CMIP: variants seen among roughly 807,000 people sequenced by gnomAD.
CMIP encodes the protein c-Maf inducing protein.
Under a neutral mutation model 97.3 loss-of-function variants are expected in CMIP, and 13 were observed. That is an observed-to-expected ratio of 0.13 (90% CI 0.09 to 0.21). The LOEUF (loss-of-function observed/expected upper bound fraction) is 0.21. CMIP is among the 10% of genes least tolerant of loss of function. The pLI is 1.00. For synonymous variants in CMIP, 538 were observed against 436.3 expected (o/e 1.23, Z -2.91); for missense variants, 847 against 1,024.9 (o/e 0.83, Z 2.37).
At chr16:81,495,206 T>C in intron 1 of CMIP, 1 of 858,888 alleles carries the variant, frequency 1.2e-6, no homozygotes, top group Non-Finnish European at 1.6e-6. Context: ...TCATCATCAT[T>C]ACTGTAGCAT....
chr16:81,484,416 C>G (rs933627970), intron 1 of CMIP, among the ~76,000 whole-genome samples: 2 of 152,166 alleles, frequency 1.3e-5, no homozygotes, highest in African/African-American at 2.4e-5. Flanking sequence ...GTCTCCCCGA[C>G]GAAGGGTAGA....
intron 1 of CMIP, among the ~76,000 whole-genome samples, chr16:81,451,117 G>C (rs1906182302): frequency 6.6e-6 from 1 of 152,174 alleles, no homozygotes; most frequent in Non-Finnish European, 1.5e-5. Flanking sequence ...GATATGGTTT[G>C]GATGTGTTCC....
At chr16:81,549,303 C>T (rs1000619373) in intron 1 of CMIP, among the ~76,000 whole-genome samples, 3 of 152,282 alleles carry the variant, frequency 2.0e-5, no homozygotes, top group East Asian at 1.9e-4. Flanking sequence ...GTAAATCATT[C>T]GATAGAACCT....
chr16:81,673,421 C>T (rs1009572863), intron 9 of CMIP, among the ~76,000 whole-genome samples: 6 of 152,088 alleles, frequency 3.9e-5, no homozygotes, highest in Admixed American at 6.6e-5. Flanking sequence ...GAGGCTGAGG[C>T]GGGAGAATAG....
At chr16:81,702,774 G>A in intron 17 of CMIP, 105 bp downstream of exon 17, 1 of 1,007,230 alleles carries the variant, frequency 9.9e-7, no homozygotes, top group Non-Finnish European at 1.5e-6. Flanking sequence ...AGGTGATGGA[G>A]GGCGGGGCAC....
intron 7 of CMIP, chr16:81,666,641 T>G (rs1226465840): frequency 6.6e-6 from 1 of 152,152 alleles, no homozygotes; most frequent in Non-Finnish European, 1.5e-5. Flanking sequence ...GAGTACCCCC[T>G]AAGTGATCCC....
chr16:81,522,556 A>T (rs1311561720), intron 1 of CMIP, among the ~76,000 whole-genome samples: 1 of 152,252 alleles, frequency 6.6e-6, no homozygotes, highest in Admixed American at 6.5e-5. Flanking sequence ...ATAAACACAC[A>T]ATTTAGCATA....
At chr16:81,671,807 G>A (rs2092685644) in intron 8 of CMIP, among the ~76,000 whole-genome samples, 159 bp from the exon 9 acceptor site, 1 of 152,234 alleles carries the variant, frequency 6.6e-6, no homozygotes, top group Non-Finnish European at 1.5e-5. Flanking sequence ...CCAAATCCTG[G>A]TGCCACCAAT....
chr16:81,577,370 C>A (rs1364453137), intron 1 of CMIP, among the ~76,000 whole-genome samples: 1 of 150,374 alleles, frequency 6.7e-6, no homozygotes, highest in Non-Finnish European at 1.5e-5. Context: ...CCATCATAAC[C>A]ATCACCTTCA....
chr16:81,567,759 T>C (rs2091008747), intron 1 of CMIP, among the ~76,000 whole-genome samples: 1 of 152,224 alleles, frequency 6.6e-6, no homozygotes, highest in African/African-American at 2.4e-5. Flanking sequence ...TAAAGGGCAT[T>C]TGCCTTATTT....
At chr16:81,455,758 C>A (rs1258573693) in intron 1 of CMIP, among the ~76,000 whole-genome samples, 2 of 152,146 alleles carry the variant, frequency 1.3e-5, no homozygotes, top group Non-Finnish European at 2.9e-5. Flanking sequence ...GGTGGGCTTT[C>A]CACTAGAGAC....
intron 1 of CMIP, among the ~76,000 whole-genome samples, chr16:81,594,851 C>T (rs1208377401): frequency 7.1e-6 from 1 of 141,832 alleles, no homozygotes; most frequent in Non-Finnish European, 1.5e-5. Context: ...AGAATGGTCT[C>T]AATCTCCTGA....
At chr16:81,638,040 G>A (rs1004868564) in intron 3 of CMIP, among the ~76,000 whole-genome samples, 1 of 152,144 alleles carries the variant, frequency 6.6e-6, no homozygotes, top group Admixed American at 6.5e-5. Context: ...CCCCCCACTG[G>A]GGATTAGGTT....
intron 1 of CMIP, among the ~76,000 whole-genome samples, chr16:81,452,836 A>G (rs1297661835): frequency 1.4e-5 from 2 of 141,844 alleles, no homozygotes; most frequent in African/African-American, 2.6e-5. Context: ...TAAAGCTTCC[A>G]TTCTTTTGCT....
In CMIP at chr16:81,710,124, C is replaced by T. The variant is rs1270343672; in HGVS notation, c.*325C>T. 5.8e-6 allele frequency: 2 copies of T among 347,222 alleles called. No homozygotes were observed. Among genetic ancestry groups the T allele is most frequent in the South Asian group, 3.9e-5 (1 of 25,808 alleles). 21.5% of individuals were successfully genotyped at this position (347,222 alleles called of 1,614,324 possible). ...GGGACCCTTTGTGGATTTTCTTTGCCTTTGTGTTTGATGCCGTCGTGTGGG... is the reference window on the plus strand; with the variant it reads ...GGGACCCTTTGTGGATTTTCTTTGCTTTTGTGTTTGATGCCGTCGTGTGGG... On this transcript the variant is annotated 3_prime_UTR_variant, in exon 21 of 21. Transcript: ENST00000537098.
intron 1 of CMIP, among the ~76,000 whole-genome samples, chr16:81,590,647 G>T (rs2091452518): frequency 6.6e-6 from 1 of 152,228 alleles, no homozygotes; most frequent in Non-Finnish European, 1.5e-5. Context: ...ATTGGGTTAA[G>T]GCCAGTTCCT....
chr16:81,660,240 T>A (rs1220591708), intron 5 of CMIP, among the ~76,000 whole-genome samples: 2 of 152,114 alleles, frequency 1.3e-5, no homozygotes, highest in Non-Finnish European at 2.9e-5. Flanking sequence ...TTAATTTTAC[T>A]TAAAATCTCA....
At chr16:81,557,660 C>A (rs2911281) in intron 1 of CMIP, among the ~76,000 whole-genome samples, 66,256 of 151,896 alleles carry the variant, frequency 0.44, 14,830 homozygotes, top group East Asian at 0.62. Flanking sequence ...CTGTGGTCCC[C>A]GCTACTCAGG....
chr16:81,467,325 C>A (rs1239861022), intron 1 of CMIP, among the ~76,000 whole-genome samples: 1 of 152,170 alleles, frequency 6.6e-6, no homozygotes, highest in East Asian at 1.9e-4. Context: ...CAAAGCCTGC[C>A]TAGTGAGGCA....
Sources: gnomAD v4.1 joint callset for allele counts (sites outside exome capture counted in the v4.1 genomes callset) on GRCh38, gnomAD v4.1.1 for gene constraint, MANE v1.5 for transcripts, NCBI Gene and HGNC (gene_info 2026-07-23, HGNC 2026-07-21) for gene names.